LTBP1: variants seen among roughly 807,000 people sequenced by gnomAD.
LTBP1 encodes latent-transforming growth factor beta-binding protein 1.
In LTBP1, 129 loss-of-function variants were observed where a neutral mutation model predicts 207.6. The ratio of observed to expected loss-of-function variants is 0.62; its 90% confidence interval spans 0.54 to 0.72. The LOEUF is 0.72. Among genes scored for constraint, LTBP1 ranks in the 30% least tolerant of loss-of-function variants. The pLI, the probability that LTBP1 is intolerant of heterozygous loss-of-function variation, is 0.00. For missense variants in LTBP1, 2,281 were observed against 2,217.2 expected (o/e 1.03, Z -0.58); for synonymous variants, 963 against 833.7 (o/e 1.16, Z -2.67).
rs1275249383 is a variant in LTBP1 at position 33,342,881 on chromosome 2, G to A, written c.3774G>A (p.Gly1258=). 3 of 1,614,114 alleles carry A rather than the reference G, an allele frequency of 1.9e-6. No homozygotes were observed. The highest frequency in any genetic ancestry group is 8.5e-7 in the Non-Finnish European group (1 of 1,179,960). The change falls in exon 25 of 34, where the codon GGG becomes GGA. Residue 1258 remains glycine (G), a synonymous_variant. Coordinates refer to ENST00000404816, the MANE Select transcript of LTBP1 (RefSeq NM_206943.4). ...CVNNTVCDSH[G]FCDNTAGSFR... ...ACAACACTGTTTGTGACAGTCACGG[G>A]TTTTGTGACAATACAGCTGGCTCCT...
intron 26 of LTBP1, among the ~76,000 whole-genome samples, chr2:33,357,280 T>G (rs2094874949): frequency 6.6e-6 from 1 of 152,142 alleles, no homozygotes; most frequent in South Asian, 2.1e-4. Context: ...ACCTACTCCT[T>G]CCTATTCAGA....
At chr2:33,319,006 G>A (rs1032605607) in intron 24 of LTBP1, among the ~76,000 whole-genome samples, 5 of 152,202 alleles carry the variant, frequency 3.3e-5, no homozygotes, top group Non-Finnish European at 7.4e-5. Flanking sequence ...GGACTGAGAC[G>A]GAAGGATCGC....
Position 33,270,334 on chromosome 2 carries a change from A to AAT in LTBP1, c.2618-3321_2618-3320dup, listed in dbSNP as rs376487550. 1.9e-3 allele frequency among the ~76,000 whole-genome samples: 282 copies of AAT among 152,202 alleles called. 1 individual carries two copies. Among genetic ancestry groups the AAT allele is most frequent in the African/African-American group, 6.4e-3 (268 of 41,556 alleles). On this transcript the variant is annotated intron_variant, in intron 15 of 33. Coordinates refer to ENST00000404816, the MANE Select transcript of LTBP1 (RefSeq NM_206943.4). ...AGTGGAATCCTTGGCTCACGCCTGT[A>AAT]ATCCCAGCACTTGGGGAGGCTGATG...
chr2:33,103,143 CTA>C (rs1382629658), intron 3 of LTBP1, among the ~76,000 whole-genome samples: 1 of 150,850 alleles, frequency 6.6e-6, no homozygotes, highest in Non-Finnish European at 1.5e-5. Context: ...TGCACAATCT[CTA>C]TGTTGTATAC....
rs144024076 is a variant in LTBP1, at chr2:33,102,791, A to G, written c.864-7791A>G. ...AGTCTGTATGCTGAATGCACAGTCT[A>G]TATGTTGTATGCACTGTCTGTAAGC... On this transcript the variant is annotated intron_variant, in intron 3 of 33. Transcript: ENST00000404816. 2.3e-3 allele frequency among the ~76,000 whole-genome samples: 354 copies of G among 151,866 alleles called. 3 individuals are homozygous for G. The highest frequency in any genetic ancestry group is 0.012 in the East Asian group (64 of 5,138).
intron 5 of LTBP1, among the ~76,000 whole-genome samples, chr2:33,180,084 T>C (rs6751657): frequency 0.52 from 78,899 of 152,010 alleles, 20,709 homozygotes; most frequent in African/African-American, 0.54. Flanking sequence ...CAACTTTTCA[T>C]CTTGCTGTAT....
At chr2:33,255,449 A>G (rs1231662383) in intron 11 of LTBP1, among the ~76,000 whole-genome samples, 1 of 152,140 alleles carries the variant, frequency 6.6e-6, no homozygotes, top group African/African-American at 2.4e-5. Context: ...CTAGAACTAG[A>G]AATACCATTT....
intron 5 of LTBP1, among the ~76,000 whole-genome samples, chr2:33,144,259 C>T (rs1244763224): frequency 6.6e-6 from 1 of 152,174 alleles, no homozygotes; most frequent in Admixed American, 6.5e-5. Context: ...CACTTTGGTG[C>T]TCCGGTAGGA....
chr2:33,014,307 C>T (rs1275598605), intron 2 of LTBP1, among the ~76,000 whole-genome samples: 3 of 152,044 alleles, frequency 2.0e-5, no homozygotes, highest in Admixed American at 6.6e-5. Flanking sequence ...AACCCAGAGA[C>T]ATTTACAACG....
rs191753286 is a variant in LTBP1, at chr2:33,239,311, C to A, written c.1877-4351C>A. ...TTTCTGTAAACTTCTAGACTGCCTG[C>A]CTGAACACAAAAGCTCAGATGGGGA... On this transcript the variant is annotated intron_variant, in intron 9 of 33. Transcript: ENST00000404816. Among the ~76,000 whole-genome samples the A allele has an allele frequency of 2.2e-3, 328 of 152,244 alleles. 3 individuals are homozygous for A. Among genetic ancestry groups the A allele is most frequent in the Middle Eastern group, 6.8e-3 (2 of 294 alleles).
intron 3 of LTBP1, among the ~76,000 whole-genome samples, chr2:33,094,575 G>A (rs909445823): frequency 6.6e-6 from 1 of 152,146 alleles, no homozygotes; most frequent in Admixed American, 6.6e-5. Flanking sequence ...AGAATGTAGA[G>A]TACTAGACCA....
chr2:32,949,152 C>A (rs538297237), intron 2 of LTBP1, among the ~76,000 whole-genome samples: 1 of 152,180 alleles, frequency 6.6e-6, no homozygotes, highest in Non-Finnish European at 1.5e-5. Flanking sequence ...TGTACAGAAC[C>A]GTGCTGTGCA....
intron 10 of LTBP1, among the ~76,000 whole-genome samples, chr2:33,247,384 TGA>T (rs2149839419): frequency 1.3e-5 from 2 of 152,360 alleles, no homozygotes; most frequent in Admixed American, 1.3e-4. Context: ...AGCTGAGAGT[TGA>T]GATTTAAAAC....
intron 20 of LTBP1, among the ~76,000 whole-genome samples, chr2:33,299,646 A>T (rs1327021582): frequency 6.6e-6 from 1 of 152,214 alleles, no homozygotes; most frequent in East Asian, 1.9e-4. Flanking sequence ...ATTTGCACTG[A>T]CAAGGCAAGA....
chr2:33,318,896 T>G (rs2094312340), intron 24 of LTBP1, among the ~76,000 whole-genome samples: 1 of 152,228 alleles, frequency 6.6e-6, no homozygotes, highest in Admixed American at 6.5e-5. Flanking sequence ...ATACTCATCA[T>G]CAAGCCTGGG....
At chr2:33,124,137 G>A (rs945606664) in intron 4 of LTBP1, among the ~76,000 whole-genome samples, 2 of 152,176 alleles carry the variant, frequency 1.3e-5, no homozygotes, top group African/African-American at 4.8e-5. Flanking sequence ...GGCCAGGTAC[G>A]GTGGCTCACG....
intron 26 of LTBP1, among the ~76,000 whole-genome samples, chr2:33,354,507 C>G (rs1481930331): frequency 6.6e-6 from 1 of 151,990 alleles, no homozygotes; most frequent in Admixed American, 6.6e-5. Context: ...CAAGTTTCTT[C>G]CCACATCCAG....
At chr2:33,207,149 T>A (rs542470650) in intron 7 of LTBP1, among the ~76,000 whole-genome samples, 55 of 152,256 alleles carry the variant, frequency 3.6e-4, no homozygotes, top group Non-Finnish European at 7.2e-4. Context: ...TTCTATCTTT[T>A]CTTTAGAAAA....
chr2:33,274,886 A>G, intron 16 of LTBP1, 79 bp from the exon 17 acceptor site: 12 of 1,411,484 alleles, frequency 8.5e-6, no homozygotes, highest in Non-Finnish European at 1.2e-5. Flanking sequence ...AGGGAATAGT[A>G]TGATGGTATT....
Sources: gnomAD v4.1 joint callset for allele counts (sites outside exome capture counted in the v4.1 genomes callset) on GRCh38, gnomAD v4.1.1 for gene constraint, MANE v1.5 for transcripts, NCBI Gene and HGNC (gene_info 2026-07-23, HGNC 2026-07-21) for gene names.